Variants in NR6A1 observed in about 807,000 individuals in gnomAD.
The protein encoded by NR6A1 is nuclear receptor subfamily 6 group A member 1.
NR6A1 carries 7 observed loss-of-function variants against 59.1 expected under a neutral mutation model. That is an observed-to-expected ratio of 0.12 (90% CI 0.07 to 0.22). The LOEUF is 0.22. Ranked by LOEUF, NR6A1 falls within the 10% of genes least tolerant of loss-of-function variation. The pLI is 1.00. For synonymous variants in NR6A1, 243 were observed against 236.1 expected, an observed-to-expected ratio of 1.03 and a Z score of -0.27; for missense variants, 468 against 611.6, an observed-to-expected ratio of 0.77 and a Z score of 2.48.
chr9:124,669,940 C>T (rs1278657420), intron 2 of NR6A1, among the ~76,000 whole-genome samples: 1 of 151,898 alleles, frequency 6.6e-6, no homozygotes, highest in Non-Finnish European at 1.5e-5. Flanking sequence ...AGTAGGCCCT[C>T]GATAAATACT....
intron 2 of NR6A1, among the ~76,000 whole-genome samples, chr9:124,575,721 TATCACATCGTAACTGTGA>T (rs550727324): frequency 0.011 from 1,680 of 152,362 alleles, 30 homozygotes; most frequent in African/African-American, 0.038. Flanking sequence ...ATAGTACTTT[TATCACATCGTAACTGTGA>T]GGACTGAGTT....
intron 2 of NR6A1, among the ~76,000 whole-genome samples, chr9:124,683,081 G>A (rs1353641992): frequency 2.6e-5 from 4 of 151,904 alleles, no homozygotes; most frequent in Admixed American, 6.6e-5. Context: ...GCATACTTGC[G>A]ATCCCAGTAA....
chr9:124,542,382 A>C (rs1484643990), intron 4 of NR6A1, among the ~76,000 whole-genome samples: 1 of 152,236 alleles, frequency 6.6e-6, no homozygotes, highest in Non-Finnish European at 1.5e-5. Flanking sequence ...TCATCAGTGT[A>C]TGTCTTAAGA....
intron 2 of NR6A1, among the ~76,000 whole-genome samples, chr9:124,566,825 C>G (rs1377612633): frequency 1.3e-5 from 2 of 152,142 alleles, no homozygotes; most frequent in African/African-American, 4.8e-5. Flanking sequence ...AAAGAGAGGA[C>G]AGGCCGGGCG....
chr9:124,651,996 G>A (rs778260028), intron 2 of NR6A1, among the ~76,000 whole-genome samples: 7 of 151,962 alleles, frequency 4.6e-5, no homozygotes, highest in South Asian at 2.1e-4. Flanking sequence ...TCCAAGTAAC[G>A]GCAGAATAAA....
chr9:124,549,428 C>T (rs528228542), intron 3 of NR6A1, among the ~76,000 whole-genome samples: 2 of 152,204 alleles, frequency 1.3e-5, no homozygotes, highest in Admixed American at 6.5e-5. Context: ...GACTTTATCC[C>T]GAAGACTGCA....
At chr9:124,656,121 T>C (rs1837251620) in intron 2 of NR6A1, among the ~76,000 whole-genome samples, 1 of 151,978 alleles carries the variant, frequency 6.6e-6, no homozygotes, top group Non-Finnish European at 1.5e-5. Context: ...AAGCTGATGG[T>C]TTTAAAGTAG....
At chr9:124,729,751 G>C (rs1839829226) in intron 2 of NR6A1, among the ~76,000 whole-genome samples, 1 of 151,698 alleles carries the variant, frequency 6.6e-6, no homozygotes, top group Non-Finnish European at 1.5e-5. Context: ...TGGTAGGGCT[G>C]AACATGCTCA....
chr9:124,694,612 A>C (rs1370398484), intron 2 of NR6A1, among the ~76,000 whole-genome samples: 1 of 152,236 alleles, frequency 6.6e-6, no homozygotes, highest in Non-Finnish European at 1.5e-5. Flanking sequence ...TCAACTCTCT[A>C]AATCCTGTAA....
intron 1 of NR6A1, among the ~76,000 whole-genome samples, chr9:124,738,607 G>A (rs1464578387): frequency 6.6e-6 from 1 of 152,194 alleles, no homozygotes; most frequent in African/African-American, 2.4e-5. Flanking sequence ...AATCGCTCAC[G>A]CCTGTAATCC....
chr9:124,543,612 A>T (rs1312360439), intron 4 of NR6A1, among the ~76,000 whole-genome samples, 190 bp downstream of exon 4: 1 of 152,192 alleles, frequency 6.6e-6, no homozygotes, highest in African/African-American at 2.4e-5. Context: ...GAAGAGCTTT[A>T]ATCATTAACT....
chr9:124,686,757 G>A (rs1051915088), intron 2 of NR6A1, among the ~76,000 whole-genome samples: 1 of 149,412 alleles, frequency 6.7e-6, no homozygotes, highest in Admixed American at 6.7e-5. Context: ...AGGCTGGAGT[G>A]CAGTGGCACA....
intron 2 of NR6A1, among the ~76,000 whole-genome samples, chr9:124,697,521 T>C (rs1026247362): frequency 2.6e-5 from 4 of 152,096 alleles, no homozygotes; most frequent in African/African-American, 4.8e-5. Flanking sequence ...TGTAACTACC[T>C]TGGTGAAATA....
intron 7 of NR6A1, 138 bp from the exon 8 acceptor site, chr9:124,527,038 G>T: frequency 9.8e-7 from 1 of 1,024,174 alleles, no homozygotes; most frequent in Non-Finnish European, 1.4e-6. Context: ...GGGAAGTACA[G>T]GCAGATCCAT....
In NR6A1 at chr9:124,771,061, A is replaced by G. The variant is rs919764872; in HGVS notation, c.59T>C (p.Phe20Ser). The G allele has an allele frequency of 1.6e-6, 2 of 1,230,176 alleles. No homozygotes were observed. The highest frequency in any genetic ancestry group is 2.0e-6 in the Non-Finnish European group (2 of 987,072). 76.2% of individuals were successfully genotyped at this position (1,230,176 alleles called of 1,614,324 possible). ...AGGGAGCGCGGCGGGAGGCTCCAGG[A>G]ACCCCGCCGAGCCCCCGCCGCCTCC... ...GGGGGGGSAGFLEPPAALPPP... is the reference protein window; with the variant it reads ...GGGGGGGSAGSLEPPAALPPP... Residue 20 changes from phenylalanine (F) to serine (S), a missense_variant, in exon 1 of 10, where the codon TTC becomes TCC. By Grantham distance (155) the Phe-to-Ser change is radical. Coordinates refer to ENST00000487099, the MANE Select transcript of NR6A1 (RefSeq NM_033334.4).
At chr9:124,591,904 C>T (rs1267264104) in intron 2 of NR6A1, among the ~76,000 whole-genome samples, 2 of 151,996 alleles carry the variant, frequency 1.3e-5, no homozygotes, top group African/African-American at 2.4e-5. Context: ...CAGCTAAAAA[C>T]CATTTGAGAT....
At chr9:124,738,383 A>C (rs960647227) in intron 1 of NR6A1, among the ~76,000 whole-genome samples, 2 of 151,092 alleles carry the variant, frequency 1.3e-5, no homozygotes, top group Non-Finnish European at 2.9e-5. Context: ...GAAATCCAGG[A>C]AATTTTCTGA....
intron 2 of NR6A1, among the ~76,000 whole-genome samples, chr9:124,688,691 T>C (rs1037669891): frequency 6.6e-6 from 1 of 152,190 alleles, no homozygotes; most frequent in Admixed American, 6.5e-5. Flanking sequence ...CAAGACTAGA[T>C]TGAGAAATCC....
intron 3 of NR6A1, among the ~76,000 whole-genome samples, chr9:124,550,057 T>G (rs1833724043): frequency 1.3e-5 from 2 of 152,200 alleles, no homozygotes; most frequent in African/African-American, 4.8e-5. Context: ...TCCCTCAATA[T>G]GGGCTTGTTT....
Sources: gnomAD v4.1 joint callset for allele counts (sites outside exome capture counted in the v4.1 genomes callset) on GRCh38, gnomAD v4.1.1 for gene constraint, MANE v1.5 for transcripts, NCBI Gene and HGNC (gene_info 2026-07-23, HGNC 2026-07-21) for gene names.